MKNK2: variants seen among roughly 807,000 people sequenced by gnomAD.
MKNK2 encodes the protein MAPK interacting serine/threonine kinase 2, also known as MAP kinase-interacting serine/threonine-protein kinase 2.
In MKNK2, 54 loss-of-function variants were observed where a neutral mutation model predicts 55.0. That is an observed-to-expected ratio of 0.98 (90% CI 0.79 to 1.23). The LOEUF (loss-of-function observed/expected upper bound fraction) is 1.23, where lower values mean the gene tolerates loss of function less well. MKNK2 is among the 50% of genes most tolerant of loss of function. The probability of loss-of-function intolerance (pLI) is 0.00; values close to 1 mark genes in which losing one functional copy is unlikely to be tolerated. For missense variants in MKNK2, 685 were observed against 632.1 expected, an observed-to-expected ratio of 1.08 and a Z score of -0.90; for synonymous variants, 323 against 256.0, an observed-to-expected ratio of 1.26 and a Z score of -2.50.
In MKNK2 at chr19:2,050,842, T is replaced by C. The variant is rs1187018900; in HGVS notation, c.10A>G (p.Lys4Glu). ...AAACCCTGAAGTTCGGCTGGTTTCT[T>C]CTGCACCATCTTCTGTCCGGGCCCC... MVQ[K>E]KPAELQGFHR... The change falls in exon 2 of 14, where the codon AAG (lysine) becomes GAG (glutamate). Residue 4 changes from lysine to glutamate, a missense_variant. Lys to Glu is a moderately conservative substitution (Grantham distance 56). Transcript: ENST00000250896. 1 of 1,533,078 alleles carries C rather than the reference T, an allele frequency of 6.5e-7. No homozygotes were observed. The highest frequency in any genetic ancestry group is 8.8e-7 in the Non-Finnish European group (1 of 1,140,012). 95.0% of individuals were successfully genotyped at this position (1,533,078 alleles called of 1,614,324 possible).
In MKNK2 at chr19:2,049,920, C is replaced by CACAA. The variant is rs1205523896; in HGVS notation, c.51+877_51+880dup. Reference sequence around the variant, plus strand: ...CACACAAGACAGAGACACACACACACACAAACACACACACATACACTCACA... The same window carrying CACAA: ...CACACAAGACAGAGACACACACACACACAAACAAACACACACACATACACTCACA... On this transcript the variant is annotated intron_variant, in intron 2 of 13. Transcript: ENST00000250896. 2.0e-5 allele frequency among the ~76,000 whole-genome samples: 3 copies of CACAA among 152,196 alleles called. 1 individual carries two copies. The South Asian group carries it at 6.2e-4, about 31-fold the overall frequency.
At chr19:2,042,350 G>C in intron 10 of MKNK2, 77 bp downstream of exon 10, 1 of 1,312,706 alleles carries the variant, frequency 7.6e-7, no homozygotes, top group Non-Finnish European at 1.1e-6. Context: ...TGGAGCTGCT[G>C]GATGGCCCAG....
chr19:2,040,111 C>A, intron 13 of MKNK2, 23 bp downstream of exon 13: 1 of 1,581,568 alleles, frequency 6.3e-7, no homozygotes. Flanking sequence ...CTCAGGGGTC[C>A]CGAGCACCCC....
intron 12 of MKNK2, 172 bp downstream of exon 12, chr19:2,040,868 C>T (rs1455907997): frequency 4.2e-5 from 28 of 673,526 alleles, no homozygotes; most frequent in Middle Eastern, 4.1e-4. Flanking sequence ...CGTGCACAGG[C>T]GGGCGGTGGG....
At chr19:2,047,740 C>T (rs2017029712) in intron 2 of MKNK2, among the ~76,000 whole-genome samples, 1 of 152,122 alleles carries the variant, frequency 6.6e-6, no homozygotes, top group Admixed American at 6.5e-5. Flanking sequence ...CCCTAAGCTG[C>T]TCCCCTCCCT....
intron 5 of MKNK2, among the ~76,000 whole-genome samples, chr19:2,045,450 G>A (rs1453403641): frequency 6.6e-6 from 1 of 152,068 alleles, no homozygotes; most frequent in Admixed American, 6.5e-5. Context: ...TCCGTACTGT[G>A]TCTGTCCCTG....
chr19:2,043,441 C>T, intron 6 of MKNK2, 62 bp downstream of exon 6: 1 of 1,478,668 alleles, frequency 6.8e-7, no homozygotes, highest in Non-Finnish European at 9.5e-7. Context: ...ATGTGGCACT[C>T]AGGCCCTTCA....
intron 10 of MKNK2, 175 bp downstream of exon 10, chr19:2,042,252 C>T (rs2016904186): frequency 1.4e-6 from 1 of 729,896 alleles, no homozygotes; most frequent in Non-Finnish European, 2.2e-6. Flanking sequence ...AACACCGACG[C>T]GTTGGGGCGC....
intron 13 of MKNK2, 70 bp downstream of exon 13, chr19:2,040,064 T>C: frequency 6.6e-7 from 1 of 1,510,722 alleles, no homozygotes; most frequent in Non-Finnish European, 9.0e-7. Context: ...TCCGGGTCTT[T>C]CACAAATGTC....
rs549824628 is a variant in MKNK2, at chr19:2,046,367, C to T, written c.241G>A (p.Asp81Asn). 1.2e-6 allele frequency: 2 copies of T among 1,607,532 alleles called. No homozygotes were observed. Among genetic ancestry groups the T allele is most frequent in the East Asian group, 2.2e-5 (1 of 44,848 alleles). ...ATDSFSGRFE[D>N]VYQLQEDVLG... ...CCCAATGCCCGCCATCCCCGCTCACCTTCAAACCTGCCCGAGAAGCTGTCG... is the reference window on the plus strand; with the variant it reads ...CCCAATGCCCGCCATCCCCGCTCACTTTCAAACCTGCCCGAGAAGCTGTCG... Residue 81 changes from aspartate to asparagine, a missense_variant and splice_region_variant, in exon 4 of 14, where the codon GAC (aspartate) becomes AAC (asparagine). Asp to Asn is a conservative substitution (Grantham distance 23). Coordinates refer to ENST00000250896, the MANE Select transcript of MKNK2 (RefSeq NM_199054.3).
At chr19:2,040,941 G>A in intron 12 of MKNK2, 99 bp downstream of exon 12, 2 of 1,181,364 alleles carry the variant, frequency 1.7e-6, no homozygotes, top group Non-Finnish European at 2.5e-6. Flanking sequence ...GTGCATCTCA[G>A]GGTGTCCAGG....
intron 12 of MKNK2, 92 bp from the exon 13 acceptor site, chr19:2,040,269 A>T (rs920018063): frequency 8.7e-7 from 1 of 1,145,060 alleles, no homozygotes; most frequent in Non-Finnish European, 1.2e-6. Flanking sequence ...TGCCATGCCC[A>T]TCCCATCACC....
chr19:2,050,769 C>T (rs757887338), intron 2 of MKNK2, 32 bp downstream of exon 2: 1 of 1,530,852 alleles, frequency 6.5e-7, no homozygotes, highest in South Asian at 1.2e-5. Context: ...TGGTCCAGCC[C>T]GGAGCGCCCC....
chr19:2,041,032 G>A lies in MKNK2; in HGVS notation c.1110+8C>T, dbSNP rs771475627. The A allele has an allele frequency of 2.5e-5, 40 of 1,613,416 alleles. No homozygotes were observed. In the African/African-American group the frequency reaches 4.9e-4, roughly 20 times the overall value. ...ACCCCTCCTGCCGCCCGTGCGGCTG[G>A]TACTCACCCCCTGAACCCAGGGGTG... On this transcript the variant is annotated splice_region_variant and intron_variant, in intron 12 of 13. Transcript: ENST00000250896.
intron 12 of MKNK2, 31 bp downstream of exon 12, chr19:2,041,009 C>A: frequency 6.2e-7 from 1 of 1,611,946 alleles, no homozygotes; most frequent in Non-Finnish European, 8.5e-7. Flanking sequence ...GCCCCCATAC[C>A]CCTCCTGCCG....
intron 5 of MKNK2, among the ~76,000 whole-genome samples, chr19:2,045,615 C>T (rs1285409947): frequency 1.3e-5 from 2 of 152,184 alleles, no homozygotes; most frequent in Admixed American, 1.3e-4. Context: ...CACACCTGGC[C>T]CTCTTTCCCA....
rs1568239425 is a variant in MKNK2 at position 2,046,698 on chromosome 19, G to A, written c.52-7C>T. 2 of 1,511,214 alleles carry A rather than the reference G, an allele frequency of 1.3e-6. No individual in the cohort carries two copies. Among genetic ancestry groups the A allele is most frequent in the Middle Eastern group, 1.7e-4 (1 of 5,778 alleles). The allele number at this position is 1,511,214 out of a possible 1,614,324, so 93.6% of individuals were successfully genotyped here. On this transcript the variant is annotated splice_region_variant and splice_polypyrimidine_tract_variant and intron_variant, in intron 2 of 13. Transcript: ENST00000250896. Reference sequence around the variant, plus strand: ...GCTCGAAGGGGTTCTGCCCCTGCAGGGGAGAGGAGAGGAGAGGCACTCAGG... The same window carrying A: ...GCTCGAAGGGGTTCTGCCCCTGCAGAGGAGAGGAGAGGAGAGGCACTCAGG...
At chr19:2,041,290 C>G in intron 11 of MKNK2, 86 bp from the exon 12 acceptor site, 1 of 1,463,012 alleles carries the variant, frequency 6.8e-7, no homozygotes, top group Non-Finnish European at 9.3e-7. Context: ...CGGACCCCAA[C>G]CAGGCCCTAG....
intron 12 of MKNK2, 74 bp downstream of exon 12, chr19:2,040,966 C>G: frequency 1.4e-6 from 2 of 1,454,336 alleles, no homozygotes; most frequent in Non-Finnish European, 1.9e-6. Context: ...ACCCTCAGGG[C>G]TTCCCATGCT....
Sources: gnomAD v4.1 joint callset for allele counts (sites outside exome capture counted in the v4.1 genomes callset) on GRCh38, gnomAD v4.1.1 for gene constraint, MANE v1.5 for transcripts, NCBI Gene and HGNC (gene_info 2026-07-23, HGNC 2026-07-21) for gene names.